The following FAM3B variants were observed in gnomAD, a reference collection of about 807,000 sequenced individuals.
The protein encoded by FAM3B is protein FAM3B.
In FAM3B, 29 loss-of-function variants were observed where a neutral mutation model predicts 28.4. The ratio of observed to expected loss-of-function variants is 1.02; its 90% CI spans 0.76 to 1.39. The LOEUF (loss-of-function observed/expected upper bound fraction) is 1.39, where lower values mean the gene tolerates loss of function less well. FAM3B is among the 40% of genes most tolerant of loss of function. The pLI is 0.00. For missense variants in FAM3B, 266 were observed against 293.9 expected (o/e 0.91, Z 0.69); for synonymous variants, 91 against 103.0 (o/e 0.88, Z 0.71).
chr21:41,342,527 T>C (rs1338179841), intron 3 of FAM3B, among the ~76,000 whole-genome samples: 1 of 152,238 alleles, frequency 6.6e-6, no homozygotes, highest in Non-Finnish European at 1.5e-5. Flanking sequence ...TTCCATTTGT[T>C]TACCTCTCTG....
chr21:41,357,040 A>G, intron 7 of FAM3B, 68 bp from the exon 8 acceptor site: 1 of 1,225,590 alleles, frequency 8.2e-7, no homozygotes, highest in Admixed American at 2.1e-5. Flanking sequence ...TCGGCTCACA[A>G]CTGATACTGA....
intron 7 of FAM3B, among the ~76,000 whole-genome samples, chr21:41,352,941 A>G (rs950786852): frequency 5.9e-5 from 9 of 152,210 alleles, no homozygotes; most frequent in African/African-American, 2.2e-4. Flanking sequence ...CTAAAAAACT[A>G]TTTGAACTTA....
intron 1 of FAM3B, among the ~76,000 whole-genome samples, chr21:41,309,771 C>T (rs1213532692): frequency 3.9e-5 from 6 of 152,226 alleles, no homozygotes; most frequent in African/African-American, 1.2e-4. Context: ...TATTTGATGG[C>T]TGTCCTTCCT....
intron 7 of FAM3B, 112 bp from the exon 8 acceptor site, chr21:41,356,996 G>GTTGGAGCAAAT (rs2089172903): frequency 5.5e-6 from 3 of 549,484 alleles, no homozygotes; most frequent in Non-Finnish European, 9.1e-6. Flanking sequence ...CCCAGCTTTG[G>GTTGGAGCAAAT]TTGGAGCAAA....
chr21:41,329,904 T>C (rs1188492148), intron 2 of FAM3B, among the ~76,000 whole-genome samples: 1 of 152,162 alleles, frequency 6.6e-6, no homozygotes, highest in African/African-American at 2.4e-5. Context: ...AGGTGAAAGC[T>C]CTTGATTTCA....
intron 3 of FAM3B, among the ~76,000 whole-genome samples, chr21:41,338,941 C>G (rs1356028047): frequency 6.6e-6 from 1 of 152,108 alleles, no homozygotes; most frequent in Admixed American, 6.6e-5. Context: ...CTTTAAAAAG[C>G]GAAGTTAGAC....
intron 3 of FAM3B, 118 bp from the exon 4 acceptor site, chr21:41,344,357 CT>C: frequency 1.1e-6 from 1 of 900,584 alleles, no homozygotes; most frequent in South Asian, 1.4e-5. Context: ...CGAATGCAGA[CT>C]TTCAAGGAAA....
intron 1 of FAM3B, among the ~76,000 whole-genome samples, chr21:41,304,535 G>A (rs2088671787): frequency 6.6e-6 from 1 of 152,222 alleles, no homozygotes. Context: ...GGAGACCCGA[G>A]CCTGGCACCC....
At chr21:41,349,065 C>T (rs1601373752) in intron 7 of FAM3B, among the ~76,000 whole-genome samples, 1 of 152,178 alleles carries the variant, frequency 6.6e-6, no homozygotes, top group African/African-American at 2.4e-5. Context: ...AGAGCATGAA[C>T]AGACATGGTG....
Position 41,311,220 on chromosome 21 carries a change from C to A in FAM3B, n.99+6910C>A, listed in dbSNP as rs2088707861. ...AAGTTGAAAGTGAGGAGCAACATGA[C>A]AAAACCCTGTCTCTACAAAAAAAAA... On this transcript the variant is annotated intron_variant and non_coding_transcript_variant, in intron 1 of 9. Transcript: ENST00000479810. 4.4e-5 allele frequency among the ~76,000 whole-genome samples: 4 copies of A among 91,440 alleles called. No homozygotes were observed. In the South Asian group the frequency reaches 1.6e-3, roughly 37 times the overall value. 60.0% of individuals were successfully genotyped at this position (91,440 alleles called of 152,430 possible). A position where few individuals can be genotyped will look rare whatever the true frequency, so the allele number is the denominator to read the frequency against.
chr21:41,324,939 T>A (rs1230677445), intron 2 of FAM3B, among the ~76,000 whole-genome samples: 1 of 151,976 alleles, frequency 6.6e-6, no homozygotes, highest in Non-Finnish European at 1.5e-5. Context: ...CTGTCTCTAC[T>A]AAAAATACAA....
In FAM3B at chr21:41,337,021, G is replaced by A. The variant is rs148725836; in HGVS notation, c.164-1357G>A. Among the ~76,000 whole-genome samples the A allele has an allele frequency of 5.9e-5, 9 of 152,180 alleles. No homozygotes were observed. The South Asian group carries it at 1.9e-3, about 32-fold the overall frequency. The stretch of plus-strand genomic sequence containing the variant: ...TACAGAATTTAATTCATTTACATTT[G>A]TGGTAATTATTGATAGATAAGGCTT... On this transcript the variant is annotated intron_variant, in intron 2 of 7. Coordinates refer to ENST00000357985, the MANE Select transcript of FAM3B (RefSeq NM_058186.4).
chr21:41,307,232 A>G (rs1235509084), intron 1 of FAM3B, among the ~76,000 whole-genome samples: 1 of 152,120 alleles, frequency 6.6e-6, no homozygotes, highest in Non-Finnish European at 1.5e-5. Context: ...CTTTTCTTCA[A>G]CCTCATGAAC....
At chr21:41,334,339 C>G (rs2088934142) in intron 2 of FAM3B, among the ~76,000 whole-genome samples, 2 of 152,170 alleles carry the variant, frequency 1.3e-5, no homozygotes, top group South Asian at 2.1e-4. Flanking sequence ...GCAGCTGCCC[C>G]TCTTGTCACA....
Position 41,348,579 on chromosome 21 carries a change from C to T in FAM3B, c.486-13C>T, listed in dbSNP as rs2089085428. 1.9e-6 allele frequency: 3 copies of T among 1,614,158 alleles called. No individual in the cohort carries two copies. Among genetic ancestry groups the T allele is most frequent in the Non-Finnish European group, 2.5e-6 (3 of 1,180,012 alleles). On this transcript the variant is annotated splice_polypyrimidine_tract_variant and intron_variant, in intron 6 of 7. Coordinates refer to ENST00000357985, the MANE Select transcript of FAM3B (RefSeq NM_058186.4). Reference sequence around the variant, plus strand: ...CCCTGAGATGCTCACATGCTTTTCCCTTTGTCCTGCAGACTGAATAACGAT... The same window carrying T: ...CCCTGAGATGCTCACATGCTTTTCCTTTTGTCCTGCAGACTGAATAACGAT...
Position 41,326,938 on chromosome 21 carries a change from G to C in FAM3B, c.163+3872G>C, listed in dbSNP as rs1167991897. On this transcript the variant is annotated intron_variant, in intron 2 of 7. Transcript: ENST00000357985. This position sits in a 1 kb window ranked among gnomAD's most constrained non-coding sequence, Gnocchi z 4.0. The stretch of plus-strand genomic sequence containing the variant: ...GCTGCTGCCTCTGCCTTGGGAACCT[G>C]TCATGGGATTGAGGCCAGGCCTGGT... Among the ~76,000 whole-genome samples the C allele has an allele frequency of 6.6e-6, 1 of 152,178 alleles. No homozygotes were observed. The highest frequency in any genetic ancestry group is 1.5e-5 in the Non-Finnish European group (1 of 68,032).
intron 1 of FAM3B, chr21:41,322,692 A>G: frequency 2.8e-6 from 2 of 725,990 alleles, no homozygotes; most frequent in Non-Finnish European, 5.1e-6. Context: ...AACAGCAAAT[A>G]CAACTTGCCC....
chr21:41,348,576 T>C lies in FAM3B; in HGVS notation c.486-16T>C, dbSNP rs772495070. The stretch of plus-strand genomic sequence containing the variant: ...TCTCCCTGAGATGCTCACATGCTTT[T>C]CCCTTTGTCCTGCAGACTGAATAAC... On this transcript the variant is annotated splice_polypyrimidine_tract_variant and intron_variant, in intron 6 of 7. Coordinates refer to ENST00000357985, the MANE Select transcript of FAM3B (RefSeq NM_058186.4). 3 of 1,614,172 alleles carry C rather than the reference T, an allele frequency of 1.9e-6. No individual in the cohort carries two copies. The highest frequency in any genetic ancestry group is 2.5e-6 in the Non-Finnish European group (3 of 1,180,008).
At chr21:41,322,055 T>G (rs1045591983) in intron 1 of FAM3B, among the ~76,000 whole-genome samples, 3 of 152,144 alleles carry the variant, frequency 2.0e-5, no homozygotes, top group Admixed American at 6.6e-5. Context: ...CCCATCCTAC[T>G]CAGGGCCTGT....
Sources: gnomAD v4.1 joint callset for allele counts (sites outside exome capture counted in the v4.1 genomes callset) on GRCh38, gnomAD v4.1.1 for gene constraint, Gnocchi (gnomAD v3.1) non-coding constraint, MANE v1.5 for transcripts, NCBI Gene and HGNC (gene_info 2026-07-23, HGNC 2026-07-21) for gene names.